Variants in NIN observed in about 807,000 individuals in gnomAD.
The protein encoded by NIN is ninein, also known as glycogen synthase kinase 3 beta-interacting protein.
In NIN, 137 loss-of-function variants were observed where a neutral mutation model predicts 257.6. The ratio of observed to expected loss-of-function variants is 0.53; its 90% CI spans 0.46 to 0.61. The LOEUF (loss-of-function observed/expected upper bound fraction) is 0.61, where lower values mean the gene tolerates loss of function less well. Among genes scored for constraint, NIN ranks in the 20% least tolerant of loss-of-function variants. The pLI is 0.00. For synonymous variants in NIN, 918 were observed against 919.8 expected, an observed-to-expected ratio of 1.00 and a Z score of 0.04; for missense variants, 2,439 against 2,501.2, an observed-to-expected ratio of 0.98 and a Z score of 0.53.
chr14:50,758,067 A>T lies in NIN; in HGVS notation c.2963T>A (p.Leu988Gln), dbSNP rs2042115696. 1 of 1,614,182 alleles carries T rather than the reference A, an allele frequency of 6.2e-7. No individual in the cohort carries two copies. The highest frequency in any genetic ancestry group is 8.5e-7 in the Non-Finnish European group (1 of 1,180,046). ...CGCTTTGTGAATGTTCTCCATGGCT[A>T]GAAGCTTGGACATCATTTCCTGCCT... ...QERQEMMSKL[L>Q]AMENIHKATC... is the part of the protein sequence containing the mutation. The change falls in exon 18 of 31, where the codon CTA becomes CAA. Residue 988 changes from leucine to glutamine, a missense_variant. Leu to Gln is a moderately radical substitution (Grantham distance 113). Coordinates refer to ENST00000530997, the MANE Select transcript of NIN (RefSeq NM_020921.4).
Position 50,782,854 on chromosome 14 carries a change from T to C in NIN, c.436-4050A>G, listed in dbSNP as rs148045270. ...CCCAGGTGCTGCTCAGGCTGGTGAA[T>C]GTTGGATGCCAATGCCTCCTAAAGT... On this transcript the variant is annotated intron_variant, in intron 5 of 30. Transcript: ENST00000530997. Among the ~76,000 whole-genome samples the C allele has an allele frequency of 5.6e-4, 85 of 152,312 alleles. 1 individual carries two copies. The highest frequency in any genetic ancestry group is 3.1e-3 in the South Asian group (15 of 4,828).
rs762634926 is a variant in NIN at position 50,821,855 on chromosome 14, G to A, written c.183+19C>T. On this transcript the variant is annotated intron_variant, in intron 3 of 30. Coordinates refer to ENST00000530997, the MANE Select transcript of NIN (RefSeq NM_020921.4). ...ACCGCACCCCACTTCCCATAGCCAC[G>A]TTCTTCCCCAGACCTTACCCTGCCC... 27 of 1,599,004 alleles carry A rather than the reference G, an allele frequency of 1.7e-5. No individual in the cohort carries two copies. The highest frequency in any genetic ancestry group is 4.5e-5 in the South Asian group (4 of 89,788).
chr14:50,753,590 T>C (rs1355665841), intron 20 of NIN, among the ~76,000 whole-genome samples: 5 of 152,232 alleles, frequency 3.3e-5, no homozygotes, highest in Admixed American at 1.3e-4. Context: ...CATTTATACA[T>C]GGTAGTATTT....
At chr14:50,818,251 A>G (rs1357251518) in intron 3 of NIN, among the ~76,000 whole-genome samples, 2 of 139,650 alleles carry the variant, frequency 1.4e-5, no homozygotes, top group Non-Finnish European at 3.0e-5. Flanking sequence ...TGAACCCGGG[A>G]GGCGGAGCTT....
Position 50,758,023 on chromosome 14 carries a change from G to C in NIN, c.3007C>G (p.Arg1003Gly), listed in dbSNP as rs751569014. The C allele has an allele frequency of 7.4e-6, 12 of 1,614,118 alleles. No individual in the cohort carries two copies. In the Admixed American group the frequency reaches 1.2e-4, roughly 16 times the overall value. The part of the protein sequence containing the change: ...IHKATCETAD[R>G]ERAEMSTEIS... ...TCTGTGCTCATCTCGGCTCTTTCTC[G>C]ATCTGCTGTCTCACAGGTCGCTTTG... The change falls in exon 18 of 31, where the codon CGA becomes GGA. Residue 1003 changes from arginine to glycine, a missense_variant. Transcript: ENST00000530997.
chr14:50,801,871 TA>T (rs1466591854), intron 4 of NIN, among the ~76,000 whole-genome samples: 7 of 152,282 alleles, frequency 4.6e-5, no homozygotes, highest in South Asian at 2.1e-4. Flanking sequence ...TCCCCATGAA[TA>T]AACAAAGAGA....
Position 50,758,226 on chromosome 14 carries a change from T to G in NIN, c.2804A>C (p.Asp935Ala), listed in dbSNP as rs1285222354. ...VSETQQSLLS[D>A]QILELKSSHK... is the part of the protein sequence containing the mutation. ...ACTGCTCTTCAGCTCAAGTATCTGG[T>G]CAGACAGCAGGCTTTGCTGGGTTTC... is the stretch of plus-strand genomic sequence containing the variant. Residue 935 changes from aspartate (D) to alanine (A), a missense_variant, in exon 18 of 31, where the codon GAC becomes GCC. Asp to Ala is a moderately radical substitution (Grantham distance 126). Coordinates refer to ENST00000530997, the MANE Select transcript of NIN (RefSeq NM_020921.4). 2 of 1,614,086 alleles carry G rather than the reference T, an allele frequency of 1.2e-6. No individual in the cohort carries two copies. The highest frequency in any genetic ancestry group is 1.7e-6 in the Non-Finnish European group (2 of 1,180,034).
intron 28 of NIN, among the ~76,000 whole-genome samples, chr14:50,734,993 C>T (rs10148309): frequency 0.19 from 29,313 of 151,876 alleles, 3,335 homozygotes; most frequent in East Asian, 0.54. Flanking sequence ...GCCACAAATA[C>T]ATTTTCATAG....
intron 12 of NIN, among the ~76,000 whole-genome samples, chr14:50,769,061 A>G (rs1290960283): frequency 2.0e-5 from 3 of 152,226 alleles, no homozygotes; most frequent in East Asian, 1.9e-4. Flanking sequence ...CTAGGGAGTA[A>G]TAATTACCTC....
intron 12 of NIN, among the ~76,000 whole-genome samples, chr14:50,769,956 A>G (rs1403234464): frequency 6.6e-6 from 1 of 151,578 alleles, no homozygotes; most frequent in Non-Finnish European, 1.5e-5. Context: ...AAAAAAAAAA[A>G]AGAAAAGGCA....
At chr14:50,749,609 C>T (rs1273136317) in intron 21 of NIN, among the ~76,000 whole-genome samples, 1 of 152,096 alleles carries the variant, frequency 6.6e-6, no homozygotes, top group African/African-American at 2.4e-5. Context: ...TTTTCTTCTT[C>T]ATTTATTAAT....
chr14:50,735,639 T>C, intron 27 of NIN, 22 bp from the exon 28 acceptor site: 1 of 1,598,312 alleles, frequency 6.3e-7, no homozygotes, highest in South Asian at 1.1e-5. Context: ...AAACAAAATA[T>C]TCCCTTGAAA....
chr14:50,800,011 C>CACACAT (rs1462095135), intron 4 of NIN, among the ~76,000 whole-genome samples: 1 of 16,912 alleles, frequency 5.9e-5, no homozygotes, highest in African/African-American at 1.4e-4. Flanking sequence ...TACACATACA[C>CACACAT]ACACACACAC....
chr14:50,730,884 C>T (rs2040658724), intron 28 of NIN: 1 of 1,321,164 alleles, frequency 7.6e-7, no homozygotes, highest in Non-Finnish European at 1.0e-6. Flanking sequence ...AATGAGATGG[C>T]TCCATGCTAT....
At position 50,743,436 on chromosome 14, in the gene NIN, G is replaced by C. The variant is rs1173885266; in HGVS notation, c.5281C>G (p.Leu1761Val). ...TGTACCTTTTCCTGAGAAGCCACCA[G>C]CTGTGACTTTAAGCTCGCACTCTGA... Reference protein sequence around the residue: ...EHQSASLKSQLVASQEKVQNL... With the variant: ...EHQSASLKSQVVASQEKVQNL... The change falls in exon 24 of 31, where the codon CTG becomes GTG. Residue 1761 changes from leucine to valine, a missense_variant. This residue lies in a region of NIN where 2,043 missense variants were observed against 2,050.2 expected (regional missense o/e 1.00). Transcript: ENST00000530997. 1 of 1,610,558 alleles carries C rather than the reference G, an allele frequency of 6.2e-7. No homozygotes were observed. Among genetic ancestry groups the C allele is most frequent in the Non-Finnish European group, 8.5e-7 (1 of 1,176,908 alleles).
intron 9 of NIN, chr14:50,772,020 AC>A (rs2042756233): frequency 1.1e-5 from 3 of 272,014 alleles, no homozygotes; most frequent in Non-Finnish European, 2.1e-5. Flanking sequence ...CAAAAAAAAA[AC>A]ACAACAACAA....
chr14:50,733,099 T>C (rs963834956), intron 28 of NIN, among the ~76,000 whole-genome samples: 21 of 30,112 alleles, frequency 7.0e-4, no homozygotes, highest in African/African-American at 4.4e-3. Context: ...GCATTAATAA[T>C]TTTTTTTTTT....
In NIN at chr14:50,792,774, C is replaced by G; in HGVS notation, c.373G>C (p.Val125Leu). ...ESVEEFPEVT[V>L]IEPLDEEARP... ...GCTTCTTCATCCAGTGGCTCAATCA[C>G]CGTCACTTCAGGAAACTCCTCCACG... is the stretch of plus-strand genomic sequence containing the variant. Residue 125 changes from valine (V) to leucine (L), a missense_variant, in exon 5 of 31, where the codon GTG (valine) becomes CTG (leucine). By Grantham distance (32) the Val-to-Leu change is conservative. Coordinates refer to ENST00000530997, the MANE Select transcript of NIN (RefSeq NM_020921.4). 6.2e-7 allele frequency: 1 copy of G among 1,614,204 alleles called. No homozygotes were observed. Among genetic ancestry groups the G allele is most frequent in the Non-Finnish European group, 8.5e-7 (1 of 1,180,042 alleles).
chr14:50,754,734 C>T lies in NIN; in HGVS notation c.4664+8G>A, dbSNP rs769268745. On this transcript the variant is annotated splice_region_variant and intron_variant, in intron 19 of 30. Coordinates refer to ENST00000530997, the MANE Select transcript of NIN (RefSeq NM_020921.4). ...AATGTCTTAGGAAAATGTAAGTATA[C>T]GTCTTACCACATTTCTTCCTGAGAT... is the stretch of plus-strand genomic sequence containing the variant. The T allele has an allele frequency of 3.8e-6, 6 of 1,582,026 alleles. No homozygotes were observed. Among genetic ancestry groups the T allele is most frequent in the East Asian group, 2.3e-5 (1 of 44,348 alleles).
Sources: gnomAD v4.1 joint callset for allele counts (sites outside exome capture counted in the v4.1 genomes callset) on GRCh38, gnomAD v4.1.1 for gene constraint, gnomAD v4.1.1 regional missense constraint, MANE v1.5 for transcripts, NCBI Gene and HGNC (gene_info 2026-07-23, HGNC 2026-07-21) for gene names.